The following LNX1 variants were observed in gnomAD, a reference collection of about 807,000 sequenced individuals.
LNX1 encodes E3 ubiquitin-protein ligase LNX.
A neutral mutation model predicts 68.4 loss-of-function variants in LNX1; 54 were observed. That is an observed-to-expected ratio of 0.79 (90% CI 0.63 to 0.99). The LOEUF is 0.99. Ranked by LOEUF, LNX1 falls within the 50% of genes least tolerant of loss-of-function variation. The pLI is 0.00. For missense variants in LNX1, 906 were observed against 926.4 expected (o/e 0.98, Z 0.29); for synonymous variants, 336 against 350.0 (o/e 0.96, Z 0.45).
At position 53,573,885 on chromosome 4, in the gene LNX1, T is replaced by C. The variant is rs373232050; in HGVS notation, c.118A>G (p.Ile40Val). 6.2e-7 allele frequency: 1 copy of C among 1,613,708 alleles called. No homozygotes were observed. The highest frequency in any genetic ancestry group is 8.5e-7 in the Non-Finnish European group (1 of 1,179,864). ...SYPEEVDDDL[I>V]CHICLQALLD... ...AAAGCCTGCAGGCAGATGTGGCAGATGAGGTCATCATCCACTTCCTCTGGA... is the reference window on the plus strand; with the variant it reads ...AAAGCCTGCAGGCAGATGTGGCAGACGAGGTCATCATCCACTTCCTCTGGA... Residue 40 changes from isoleucine (I) to valine (V), a missense_variant, in exon 2 of 11, where the codon ATC becomes GTC. Physicochemically the swap from Ile to Val is conservative, Grantham distance 29. Transcript: ENST00000263925.
intron 2 of LNX1, among the ~76,000 whole-genome samples, chr4:53,569,276 C>CA (rs1260289677): frequency 6.7e-6 from 1 of 149,256 alleles, no homozygotes; most frequent in Non-Finnish European, 1.5e-5. Flanking sequence ...TACAAGGCTA[C>CA]AGTAACCAAA....
chr4:53,637,020 A>G (rs1734504894), intron 1 of LNX1, among the ~76,000 whole-genome samples: 1 of 144,010 alleles, frequency 6.9e-6, no homozygotes, highest in Non-Finnish European at 1.5e-5. Flanking sequence ...ATCTTGGGTT[A>G]TATTAATAGT....
intron 4 of LNX1, among the ~76,000 whole-genome samples, chr4:53,501,311 G>GGGGGGGGGGGA (rs1553932778): frequency 9.0e-5 from 5 of 55,694 alleles, no homozygotes; most frequent in East Asian, 5.8e-4. Flanking sequence ...GGGGTGGGGG[G>GGGGGGGGGGGA]ACAGGATCTC....
chr4:53,563,307 G>T (rs376746749), intron 2 of LNX1, among the ~76,000 whole-genome samples: 2 of 152,158 alleles, frequency 1.3e-5, no homozygotes, highest in East Asian at 3.8e-4. Context: ...ATAAACAAAA[G>T]CTATGACAAG....
At chr4:53,467,543 G>C (rs1722779779) in intron 9 of LNX1, among the ~76,000 whole-genome samples, 1 of 152,044 alleles carries the variant, frequency 6.6e-6, no homozygotes, top group South Asian at 2.1e-4. Context: ...ACACTACTAC[G>C]AGCTAAAGGA....
chr4:53,608,982 G>A (rs907555433), intron 2 of LNX1, among the ~76,000 whole-genome samples: 2 of 151,958 alleles, frequency 1.3e-5, no homozygotes, highest in Non-Finnish European at 2.9e-5. Flanking sequence ...GGAGGAGGGT[G>A]AGAATCAGAA....
chr4:53,594,695 T>G (rs556355049), upstream of LNX1, among the ~76,000 whole-genome samples: 16 of 152,104 alleles, frequency 1.1e-4, no homozygotes, highest in African/African-American at 3.6e-4. Context: ...CTTTCTTACT[T>G]TCTTTTCTTT....
chr4:53,563,713 T>C (rs1233937732), intron 2 of LNX1, among the ~76,000 whole-genome samples: 1 of 152,094 alleles, frequency 6.6e-6, no homozygotes, highest in African/African-American at 2.4e-5. Context: ...TTTTGAATTT[T>C]TGGTAGAGAC....
intron 1 of LNX1, among the ~76,000 whole-genome samples, chr4:53,587,648 C>T (rs529465743): frequency 6.6e-5 from 10 of 151,796 alleles, no homozygotes; most frequent in Non-Finnish European, 1.5e-4. Flanking sequence ...GTATCCTGGT[C>T]AAGAGAGTGA....
At chr4:53,563,546 T>C (rs1172764282) in intron 2 of LNX1, among the ~76,000 whole-genome samples, 1 of 151,872 alleles carries the variant, frequency 6.6e-6, no homozygotes, top group African/African-American at 2.4e-5. Context: ...TCTTTTTTTT[T>C]TTTTTTGAGA....
At chr4:53,510,519 G>A (rs1472614234) in intron 2 of LNX1, among the ~76,000 whole-genome samples, 4 of 152,204 alleles carry the variant, frequency 2.6e-5, no homozygotes, top group African/African-American at 4.8e-5. Flanking sequence ...AATTCGTGAG[G>A]TTTTACTGTA....
At chr4:53,461,338 G>A (rs1722070846) in intron 10 of LNX1, 97 bp downstream of exon 10, 1 of 984,398 alleles carries the variant, frequency 1.0e-6, no homozygotes, top group African/African-American at 1.6e-5. Context: ...TCCCCACAAA[G>A]TATAATAAAT....
chr4:53,621,968 T>A (rs916422051), upstream of LNX1, among the ~76,000 whole-genome samples: 9 of 152,056 alleles, frequency 5.9e-5, no homozygotes, highest in African/African-American at 2.2e-4. Context: ...TGCCAATAGG[T>A]TTTTTTAAGC....
chr4:53,610,881 C>T (rs1733465043), intron 2 of LNX1, among the ~76,000 whole-genome samples: 1 of 151,634 alleles, frequency 6.6e-6, no homozygotes, highest in South Asian at 2.1e-4. Context: ...AACATCTAAA[C>T]TCTATACATG....
In LNX1 at chr4:53,560,332, G is replaced by C. The variant is rs558890072; in HGVS notation, c.380+13291C>G. ...CATTCACCACCTTGCATTTAAAGGGGATGAAATTAATTAATTAATGTGACT... is the reference window on the plus strand; with the variant it reads ...CATTCACCACCTTGCATTTAAAGGGCATGAAATTAATTAATTAATGTGACT... On this transcript the variant is annotated intron_variant, in intron 2 of 10. Transcript: ENST00000263925. Among the ~76,000 whole-genome samples, 46 of 152,282 alleles carry C rather than the reference G, an allele frequency of 3.0e-4. 1 individual carries two copies. In the South Asian group the frequency reaches 8.9e-3, roughly 30 times the overall value.
chr4:53,552,401 G>A (rs6554111), intron 2 of LNX1, among the ~76,000 whole-genome samples: 103,690 of 152,068 alleles, frequency 0.68, 35,410 homozygotes, highest in Middle Eastern at 0.74. Flanking sequence ...AGTTTTTAAA[G>A]TGGGAAGGAG....
chr4:53,504,115 A>C (rs1480804230), intron 4 of LNX1, among the ~76,000 whole-genome samples: 1 of 152,224 alleles, frequency 6.6e-6, no homozygotes, highest in Non-Finnish European at 1.5e-5. Context: ...AACCTGGGCT[A>C]CAGAGCGAGC....
At chr4:53,547,625 G>A (rs1373628152) in intron 2 of LNX1, among the ~76,000 whole-genome samples, 2 of 152,168 alleles carry the variant, frequency 1.3e-5, no homozygotes, top group African/African-American at 2.4e-5. Context: ...TGCTAACAAA[G>A]GAAGAAAGTC....
intron 1 of LNX1, among the ~76,000 whole-genome samples, chr4:53,585,204 C>T (rs1732088144): frequency 6.6e-6 from 1 of 152,134 alleles, no homozygotes; most frequent in Admixed American, 6.5e-5. Flanking sequence ...ACTGTTTTGT[C>T]TTATTAGATA....
Sources: gnomAD v4.1 joint callset for allele counts (sites outside exome capture counted in the v4.1 genomes callset) on GRCh38, gnomAD v4.1.1 for gene constraint, MANE v1.5 for transcripts, NCBI Gene and HGNC (gene_info 2026-07-23, HGNC 2026-07-21) for gene names.